The following CHD8 variants were observed in gnomAD, a reference collection of about 807,000 sequenced individuals.
The protein encoded by CHD8 is ATP-dependent chromatin remodeler CHD8.
A neutral mutation model predicts 279.2 loss-of-function variants in CHD8; 31 were observed. The observed-to-expected ratio is 0.11, with a 90% CI of 0.08 to 0.15. The LOEUF (loss-of-function observed/expected upper bound fraction) is 0.15, where lower values mean the gene tolerates loss of function less well. Ranked by LOEUF, CHD8 falls within the 10% of genes least tolerant of loss-of-function variation. The pLI, the probability that CHD8 is intolerant of heterozygous loss-of-function variation, is 1.00. For missense variants in CHD8, 2,146 were observed against 3,230.5 expected, an observed-to-expected ratio of 0.66 and a Z score of 8.14; for synonymous variants, 1,081 against 1,139.6, an observed-to-expected ratio of 0.95 and a Z score of 1.04.
intron 14 of CHD8, among the ~76,000 whole-genome samples, chr14:21,406,595 A>C (rs146047680): frequency 8.5e-5 from 13 of 152,288 alleles, no homozygotes; most frequent in Non-Finnish European, 1.3e-4. Context: ...TAGGACATTA[A>C]GTTTTGGAGT....
At chr14:21,419,855 T>G in intron 5 of CHD8, 2 of 371,430 alleles carry the variant, frequency 5.4e-6, no homozygotes, top group South Asian at 4.6e-5. Context: ...TCACCAGCCC[T>G]GCCAGTGATG....
rs753569797 is a variant in CHD8 at position 21,418,748 on chromosome 14, G to A, written c.1717-2841C>T. On this transcript the variant is annotated intron_variant, in intron 5 of 37. Transcript: ENST00000646647. ...AGAGAATGGCATGAACCCAGGAGGC[G>A]GAGCTTGCAGGGAGCGGAGATCGCG... Among the ~76,000 whole-genome samples, 5 of 152,192 alleles carry A rather than the reference G, an allele frequency of 3.3e-5. No individual in the cohort carries two copies. The South Asian group carries it at 6.2e-4, about 19-fold the overall frequency.
In CHD8 at chr14:21,400,678, T is replaced by C. The variant is rs1887991556; in HGVS notation, c.4371-66A>G. ...GACAGTCCCCTGTCCCTCAGAATCA[T>C]GTCTCTGAAAAGGTGTGAAACAAAG... On this transcript the variant is annotated intron_variant, in intron 22 of 37. Transcript: ENST00000646647. This position sits in a 1 kb window ranked among gnomAD's most constrained non-coding sequence, Gnocchi z 4.2. 5 of 1,425,932 alleles carry C rather than the reference T, an allele frequency of 3.5e-6. No homozygotes were observed. Among genetic ancestry groups the C allele is most frequent in the South Asian group, 2.9e-5 (2 of 69,340 alleles). The allele number at this position is 1,425,932 out of a possible 1,614,324, so 88.3% of individuals were successfully genotyped here.
At position 21,402,960 on chromosome 14, in the gene CHD8, T is replaced by G; in HGVS notation, c.3714+57A>C. On this transcript the variant is annotated intron_variant, in intron 18 of 37. Transcript: ENST00000646647. This position sits in a 1 kb window ranked among gnomAD's most constrained non-coding sequence, Gnocchi z 4.5. ...AAGGTCTTTCTAAAAGATCCTATTC[T>G]TGTTGAAAAATCTCCCAAGTTAGGT... 7.1e-7 allele frequency: 1 copy of G among 1,416,058 alleles called. No homozygotes were observed. Among genetic ancestry groups the G allele is most frequent in the Non-Finnish European group, 9.8e-7 (1 of 1,023,562 alleles). The allele number at this position is 1,416,058 out of a possible 1,614,324, so 87.7% of individuals were successfully genotyped here. A position where few individuals can be genotyped will look rare whatever the true frequency, so the allele number is the denominator to read the frequency against.
chr14:21,437,207 G>T (rs550628623), intron 1 of CHD8: 18 of 1,180,904 alleles, frequency 1.5e-5, no homozygotes, highest in Non-Finnish European at 1.8e-5. Flanking sequence ...CAGTGGCTGT[G>T]GGGGGCCGGT....
chr14:21,416,818 T>C (rs1888744061), intron 5 of CHD8, among the ~76,000 whole-genome samples: 2 of 150,588 alleles, frequency 1.3e-5, no homozygotes, highest in Admixed American at 1.3e-4. Context: ...TCTACAAAAC[T>C]AAATTGGCTG....
In CHD8 at chr14:21,395,322, TCTC is replaced by T. The variant is rs1218749976; in HGVS notation, c.5155_5157del (p.Glu1719del). The stretch of plus-strand genomic sequence containing the variant: ...CCTTCATCTCCATCAATCACTGAGA[TCTC>T]CTCATCCATCATCATCAAGGGATCA... On this transcript the variant is annotated inframe_deletion, in exon 29 of 38. Coordinates refer to ENST00000646647, the MANE Select transcript of CHD8 (RefSeq NM_001170629.2). 2.5e-6 allele frequency: 4 copies of T among 1,608,882 alleles called. No individual in the cohort carries two copies. Among genetic ancestry groups the T allele is most frequent in the South Asian group, 1.1e-5 (1 of 90,342 alleles).
chr14:21,440,270 G>A (rs1400903369), intron 1 of CHD8, among the ~76,000 whole-genome samples: 2 of 151,990 alleles, frequency 1.3e-5, no homozygotes, highest in African/African-American at 4.8e-5. Flanking sequence ...GCAGTAGTGC[G>A]ATCTCGGCTC....
At chr14:21,417,499 C>T (rs1397214718) in intron 5 of CHD8, among the ~76,000 whole-genome samples, 1 of 152,104 alleles carries the variant, frequency 6.6e-6, no homozygotes, top group African/African-American at 2.4e-5. Flanking sequence ...CAGGATCACT[C>T]AAGCCCAGGT....
intron 1 of CHD8, among the ~76,000 whole-genome samples, chr14:21,441,174 A>G (rs1284406650): frequency 6.6e-6 from 1 of 152,188 alleles, no homozygotes; most frequent in East Asian, 1.9e-4. Flanking sequence ...ATATTTGGCA[A>G]TGGCAGATAT....
At chr14:21,412,531 A>G (rs1181297928) in intron 10 of CHD8, among the ~76,000 whole-genome samples, 1 of 152,182 alleles carries the variant, frequency 6.6e-6, no homozygotes, top group Non-Finnish European at 1.5e-5. Context: ...TGATTTGTAG[A>G]AAGCTAGGAG....
chr14:21,400,540 G>T lies in CHD8; in HGVS notation c.4443C>A (p.Thr1481=), dbSNP rs1887983259. The T allele has an allele frequency of 6.2e-7, 1 of 1,612,922 alleles. No individual in the cohort carries two copies. The highest frequency in any genetic ancestry group is 1.3e-5 in the African/African-American group (1 of 74,826). The part of the protein sequence containing the change: ...KRRMTERDVE[T]ICRAILVYCL... ...AGTACACGAGAATGGCCCGACAAAT[G>T]GTCTCCACATCTCGTTCAGTCATAC... Residue 1481 remains threonine (T), a synonymous_variant, in exon 23 of 38, where the codon ACC becomes ACA. Transcript: ENST00000646647. This position sits in a 1 kb window ranked among gnomAD's most constrained non-coding sequence, Gnocchi z 4.2.
chr14:21,433,409 T>A (rs1374762403), intron 1 of CHD8, among the ~76,000 whole-genome samples: 1 of 152,236 alleles, frequency 6.6e-6, no homozygotes, highest in Non-Finnish European at 1.5e-5. Flanking sequence ...ATCTGTTCTT[T>A]GTATATGATG....
At position 21,405,113 on chromosome 14, in the gene CHD8, G is replaced by T; in HGVS notation, c.3307+96C>A. The T allele has an allele frequency of 1.6e-6, 2 of 1,231,210 alleles. No individual in the cohort carries two copies. The highest frequency in any genetic ancestry group is 2.3e-6 in the Non-Finnish European group (2 of 869,592). The allele number at this position is 1,231,210 out of a possible 1,614,324, so 76.3% of individuals were successfully genotyped here. On this transcript the variant is annotated intron_variant, in intron 16 of 37. Coordinates refer to ENST00000646647, the MANE Select transcript of CHD8 (RefSeq NM_001170629.2). The surrounding 1 kb of genome is among the most constrained non-coding windows in gnomAD (Gnocchi z 4.2). ...CTCAGTCCGCACCCCAAATTAGGTT[G>T]GTTGAGTCAATGCATCCATTGTCCC...
chr14:21,435,337 T>C (rs1434568073), intron 1 of CHD8, among the ~76,000 whole-genome samples: 1 of 152,208 alleles, frequency 6.6e-6, no homozygotes, highest in Non-Finnish European at 1.5e-5. Context: ...CTTTATTATA[T>C]ATGCCAGTAT....
Position 21,405,307 on chromosome 14 carries a change from G to T in CHD8, c.3209C>A (p.Ser1070Tyr), listed in dbSNP as rs1172358575. ...YYRAILEKNF[S>Y]FLSKGAGHTN... ...ATGACCTGCCCCTTTGGAAAGGAAG[G>T]AGAAATTCTTCTCCAAAATAGCCCG... The change falls in exon 16 of 38, where the codon TCC (serine) becomes TAC (tyrosine). Residue 1070 changes from serine (S) to tyrosine (Y), a missense_variant. Physicochemically the swap from Ser to Tyr is moderately radical, Grantham distance 144. Transcript: ENST00000646647. This position sits in a 1 kb window ranked among gnomAD's most constrained non-coding sequence, Gnocchi z 4.2. The T allele has an allele frequency of 1.2e-6, 2 of 1,611,536 alleles. No homozygotes were observed. The highest frequency in any genetic ancestry group is 8.5e-7 in the Non-Finnish European group (1 of 1,178,700).
chr14:21,427,840 G>C, intron 4 of CHD8, 29 bp downstream of exon 4: 1 of 1,605,508 alleles, frequency 6.2e-7, no homozygotes, highest in Non-Finnish European at 8.5e-7. Context: ...ACTCTTGCAC[G>C]TCCCATCACA....
At position 21,405,156 on chromosome 14, in the gene CHD8, A is replaced by G; in HGVS notation, c.3307+53T>C. 1.3e-6 allele frequency: 2 copies of G among 1,578,382 alleles called. No homozygotes were observed. The highest frequency in any genetic ancestry group is 8.7e-7 in the Non-Finnish European group (1 of 1,153,228). On this transcript the variant is annotated intron_variant, in intron 16 of 37. Coordinates refer to ENST00000646647, the MANE Select transcript of CHD8 (RefSeq NM_001170629.2). The surrounding 1 kb of genome is among the most constrained non-coding windows in gnomAD (Gnocchi z 4.2). ...ATTGTCCCCAAGGAGAATCATCCGG[A>G]AAGTAAACACAGGTACTACAGAAGT...
intron 5 of CHD8, among the ~76,000 whole-genome samples, chr14:21,422,008 C>T (rs1889066083): frequency 6.6e-6 from 1 of 152,130 alleles, no homozygotes. Flanking sequence ...ACTTGCAGAC[C>T]ATTTGATCTT....
Sources: allele counts gnomAD v4.1 joint callset (sites outside exome capture counted in the v4.1 genomes callset), GRCh38; gene constraint gnomAD v4.1.1; non-coding constraint Gnocchi (gnomAD v3.1); transcripts MANE v1.5; gene names NCBI Gene and HGNC (gene_info 2026-07-23, HGNC 2026-07-21).